USP35: variants seen among roughly 807,000 people sequenced by gnomAD.
USP35 encodes the protein ubiquitin specific peptidase 35.
USP35 carries 69 observed loss-of-function variants against 83.8 expected under a neutral mutation model. That is an observed-to-expected ratio of 0.82 (90% CI 0.68 to 1.01). The LOEUF (loss-of-function observed/expected upper bound fraction) is 1.01, where lower values mean the gene tolerates loss of function less well. Among genes scored for constraint, USP35 ranks in the 50% least tolerant of loss-of-function variants. The probability of loss-of-function intolerance (pLI) is 0.00; values close to 1 mark genes in which losing one functional copy is unlikely to be tolerated. For missense variants in USP35, 1,503 were observed against 1,362.5 expected (o/e 1.10, Z -1.62); for synonymous variants, 714 against 589.5 (o/e 1.21, Z -3.06).
At chr11:78,191,773 G>C (rs995768532) in intron 1 of USP35, among the ~76,000 whole-genome samples, 2 of 151,904 alleles carry the variant, frequency 1.3e-5, no homozygotes, top group African/African-American at 2.4e-5. Flanking sequence ...TCCTTTCCCT[G>C]ACAGTATCTG....
chr11:78,209,162 C>G (rs917821281), intron 9 of USP35, among the ~76,000 whole-genome samples, 199 bp downstream of exon 9: 1 of 152,156 alleles, frequency 6.6e-6, no homozygotes, highest in Admixed American at 6.5e-5. Context: ...GAAGTGATCT[C>G]TGGGAGGTCA....
intron 6 of USP35, 42 bp downstream of exon 6, chr11:78,200,850 A>G (rs1398138454): frequency 6.4e-7 from 1 of 1,560,570 alleles, no homozygotes; most frequent in East Asian, 2.3e-5. Flanking sequence ...CCACTCTGAC[A>G]AAGGTACCAG....
At chr11:78,219,199 G>A (rs925182130), downstream of USP35, 4 of 1,386,640 alleles carry the variant, frequency 2.9e-6, no homozygotes, top group Admixed American at 5.3e-5. Flanking sequence ...GGAAGAACGG[G>A]AGAGGGGAGA....
chr11:78,214,081 C>G lies in USP35; in HGVS notation c.*268C>G, dbSNP rs1590924476. ...GATGGGCACACACGGGTCTTTGCCT[C>G]CCCCTCCTTCCCTAGCAGGCTCCCC... On this transcript the variant is annotated 3_prime_UTR_variant, in exon 11 of 11. Transcript: ENST00000529308. The G allele has an allele frequency of 5.5e-6, 2 of 362,622 alleles. No homozygotes were observed. The highest frequency in any genetic ancestry group is 5.8e-5 in the South Asian group (1 of 17,142). The allele number at this position is 362,622 out of a possible 1,614,324, so 22.5% of individuals were successfully genotyped here. A position where few individuals can be genotyped will look rare whatever the true frequency, so the allele number is the denominator to read the frequency against.
chr11:78,211,451 T>C (rs556634758), intron 10 of USP35, among the ~76,000 whole-genome samples: 3 of 152,324 alleles, frequency 2.0e-5, no homozygotes, highest in African/African-American at 7.2e-5. Context: ...TGACTTATAT[T>C]CCTTTGGGTG....
At chr11:78,226,611 CGGGGTGGG>C in the USP35 span, 83 of 282,532 alleles carry the variant, frequency 2.9e-4, no homozygotes, top group Non-Finnish European at 5.0e-4. Context: ...CTTGGGGGGG[CGGGGTGGG>C]GGAGCTATGG....
At chr11:78,226,503 T>C in the USP35 span, 33 of 1,613,218 alleles carry the variant, frequency 2.0e-5, no homozygotes, top group Non-Finnish European at 2.7e-5. Flanking sequence ...AGGGAGGGTG[T>C]TGCGTCTGGG....
At position 78,213,673 on chromosome 11, in the gene USP35, G is replaced by A. The variant is rs1246802932; in HGVS notation, c.2917G>A (p.Ala973Thr). The change falls in exon 11 of 11, where the codon GCG becomes ACG. Residue 973 changes from alanine to threonine, a missense_variant. Coordinates refer to ENST00000529308, the MANE Select transcript of USP35 (RefSeq NM_020798.4). ...QEQEKEARSR[A>T]AYISALPTSP... ...GCAGGAGAAGGAGGCCCGGAGCAGG[G>A]CGGCCTACATCTCTGCACTCCCCAC... 3 of 1,506,786 alleles carry A rather than the reference G, an allele frequency of 2.0e-6. No individual in the cohort carries two copies. Among genetic ancestry groups the A allele is most frequent in the Admixed American group, 5.3e-5 (2 of 37,552 alleles). The allele number at this position is 1,506,786 out of a possible 1,614,324, so 93.3% of individuals were successfully genotyped here. A position where few individuals can be genotyped will look rare whatever the true frequency, so the allele number is the denominator to read the frequency against.
the USP35 span, among the ~76,000 whole-genome samples, chr11:78,234,454 T>C: frequency 6.6e-6 from 1 of 152,064 alleles, no homozygotes; most frequent in Admixed American, 6.6e-5. Flanking sequence ...AGTGGTGTGA[T>C]ATGAAGGGTT....
At chr11:78,193,228 T>G (rs1364915578) in intron 1 of USP35, among the ~76,000 whole-genome samples, 1 of 152,110 alleles carries the variant, frequency 6.6e-6, no homozygotes, top group East Asian at 1.9e-4. Context: ...GGAACTCACT[T>G]AGTCACCCAG....
At chr11:78,193,188 A>C (rs1863050591) in intron 1 of USP35, among the ~76,000 whole-genome samples, 1 of 151,888 alleles carries the variant, frequency 6.6e-6, no homozygotes, top group Non-Finnish European at 1.5e-5. Flanking sequence ...GAGTTAAAAA[A>C]ATTTTTTTTC....
intron 1 of USP35, among the ~76,000 whole-genome samples, chr11:78,192,062 A>G (rs1032280717): frequency 2.0e-5 from 3 of 152,088 alleles, no homozygotes; most frequent in African/African-American, 4.8e-5. Flanking sequence ...TGAGGACCTC[A>G]TCTTTTTTAT....
At chr11:78,211,307 T>C (rs1217105630) in intron 10 of USP35, among the ~76,000 whole-genome samples, 1 of 152,230 alleles carries the variant, frequency 6.6e-6, no homozygotes, top group Non-Finnish European at 1.5e-5. Context: ...GGATGCATAG[T>C]ATTCTGTGGT....
At chr11:78,220,761 C>A in the USP35 span, among the ~76,000 whole-genome samples, 1 of 152,220 alleles carries the variant, frequency 6.6e-6, no homozygotes, top group East Asian at 1.9e-4. Context: ...CCTGTGCTAA[C>A]CCCTGTACCA....
At chr11:78,219,045 A>G, downstream of USP35, 1 of 535,924 alleles carries the variant, frequency 1.9e-6, no homozygotes, top group Non-Finnish European at 3.3e-6. Flanking sequence ...CATGGCCATT[A>G]CTGATAAAAA....
chr11:78,198,288 G>T (rs1395134819), intron 3 of USP35, among the ~76,000 whole-genome samples: 1 of 152,238 alleles, frequency 6.6e-6, no homozygotes, highest in East Asian at 1.9e-4. Context: ...ATGCTGTCAG[G>T]CCAGGTACCA....
At chr11:78,213,380 G>C (rs570220957) in intron 10 of USP35, among the ~76,000 whole-genome samples, 179 of 152,260 alleles carry the variant, frequency 1.2e-3, no homozygotes, top group African/African-American at 4.0e-3. Flanking sequence ...CAGACCTCTC[G>C]GTACCACATT....
the USP35 span, among the ~76,000 whole-genome samples, chr11:78,228,442 C>G: frequency 1.3e-5 from 2 of 152,174 alleles, no homozygotes; most frequent in African/African-American, 4.8e-5. Flanking sequence ...AAAGGCAAAT[C>G]TCGTATACAT....
chr11:78,204,164 A>G (rs1467669950), intron 6 of USP35, among the ~76,000 whole-genome samples: 1 of 152,160 alleles, frequency 6.6e-6, no homozygotes, highest in Admixed American at 6.5e-5. Flanking sequence ...TGCTGGGATT[A>G]CAGGCGTGAG....
Sources: gnomAD v4.1 joint callset for allele counts (sites outside exome capture counted in the v4.1 genomes callset) on GRCh38, gnomAD v4.1.1 for gene constraint, MANE v1.5 for transcripts, NCBI Gene and HGNC (gene_info 2026-07-23, HGNC 2026-07-21) for gene names.